Variants in TLK1 observed in about 807,000 individuals in gnomAD.
TLK1 encodes the protein serine/threonine-protein kinase tousled-like 1.
A neutral mutation model predicts 105.3 loss-of-function variants in TLK1; 24 were observed. The ratio of observed to expected loss-of-function variants is 0.23; its 90% CI spans 0.17 to 0.32. The LOEUF (loss-of-function observed/expected upper bound fraction) is 0.32, where lower values mean the gene tolerates loss of function less well. Ranked by LOEUF, TLK1 falls within the 10% of genes least tolerant of loss-of-function variation. TLK1 has a pLI of 1.00. For missense variants in TLK1, 558 were observed against 910.5 expected (o/e 0.61, Z 4.98); for synonymous variants, 321 against 310.4 (o/e 1.03, Z -0.36).
chr2:170,996,744 T>A lies in TLK1; in HGVS notation c.2033A>T (p.Gln678Leu). The A allele has an allele frequency of 6.2e-7, 1 of 1,610,076 alleles. No homozygotes were observed. Reference sequence around the variant, plus strand: ...TTCTTGAAGAATGTCTTGTTGAGATTGATTGTGACCAAATGGCTTAAAAAA... The same window carrying A: ...TTCTTGAAGAATGTCTTGTTGAGATAGATTGTGACCAAATGGCTTAAAAAA... The part of the protein sequence containing the change: ...LYGRKPFGHN[Q>L]SQQDILQENT... Residue 678 changes from glutamine to leucine, a missense_variant, in exon 20 of 21, where the codon CAA becomes CTA. Physicochemically the swap from Gln to Leu is moderately radical, Grantham distance 113. Coordinates refer to ENST00000431350, the MANE Select transcript of TLK1 (RefSeq NM_012290.5).
At chr2:171,003,769 A>T (rs1342534848) in intron 18 of TLK1, among the ~76,000 whole-genome samples, 1 of 152,206 alleles carries the variant, frequency 6.6e-6, no homozygotes, top group Non-Finnish European at 1.5e-5. Context: ...TTAATTCGGC[A>T]TCTTTACATT....
At chr2:171,177,758 G>A (rs534938935) in intron 1 of TLK1, among the ~76,000 whole-genome samples, 93 of 152,242 alleles carry the variant, frequency 6.1e-4, no homozygotes, top group African/African-American at 2.2e-3. Flanking sequence ...TGAACAAAAA[G>A]CTTTTATATT....
At chr2:171,005,259 C>A (rs373468138) in intron 18 of TLK1, among the ~76,000 whole-genome samples, 2 of 152,166 alleles carry the variant, frequency 1.3e-5, no homozygotes, top group African/African-American at 4.8e-5. Context: ...AAAATTCACA[C>A]TGAAGTAGTT....
chr2:171,115,902 C>T (rs986645648), intron 2 of TLK1, among the ~76,000 whole-genome samples: 9 of 152,058 alleles, frequency 5.9e-5, no homozygotes, highest in Admixed American at 2.0e-4. Context: ...TGTTTGTGAG[C>T]CAAAATTTAC....
intron 5 of TLK1, 93 bp from the exon 6 acceptor site, chr2:171,056,659 T>C (rs1687516936): frequency 4.1e-6 from 4 of 984,024 alleles, no homozygotes; most frequent in Non-Finnish European, 6.0e-6. Flanking sequence ...TAAATATACC[T>C]AATTTTAAAA....
At chr2:171,229,904 T>C (rs1693962833) in intron 1 of TLK1, among the ~76,000 whole-genome samples, 1 of 152,218 alleles carries the variant, frequency 6.6e-6, no homozygotes, top group Non-Finnish European at 1.5e-5. Flanking sequence ...GGTTCTACCA[T>C]GCACAAGGCC....
At chr2:171,055,452 G>A (rs1687456085) in intron 6 of TLK1, among the ~76,000 whole-genome samples, 1 of 151,358 alleles carries the variant, frequency 6.6e-6, no homozygotes, top group East Asian at 1.9e-4. Context: ...AAATCTTAAT[G>A]CTTTCATACA....
At chr2:171,163,900 T>C (rs532399923), upstream of TLK1, among the ~76,000 whole-genome samples, 1 of 152,228 alleles carries the variant, frequency 6.6e-6, no homozygotes, top group East Asian at 1.9e-4. Context: ...TAATTTTTTG[T>C]ATTTTAGTAG....
intron 12 of TLK1, among the ~76,000 whole-genome samples, chr2:171,018,299 G>A (rs1380084310): frequency 6.6e-6 from 1 of 152,194 alleles, no homozygotes; most frequent in Non-Finnish European, 1.5e-5. Context: ...ATCTTGTCAT[G>A]GACTTCTAGA....
intron 8 of TLK1, among the ~76,000 whole-genome samples, chr2:171,051,093 G>A (rs1030275933): frequency 6.6e-6 from 1 of 152,180 alleles, no homozygotes; most frequent in African/African-American, 2.4e-5. Flanking sequence ...ACAGAATTTA[G>A]CACCAATAGA....
chr2:171,182,720 G>A (rs1692947639), intron 1 of TLK1, among the ~76,000 whole-genome samples: 1 of 151,866 alleles, frequency 6.6e-6, no homozygotes. Context: ...AGGAGTATGA[G>A]ACCAGCCTGG....
At chr2:171,003,607 T>C (rs1684502326) in intron 18 of TLK1, among the ~76,000 whole-genome samples, 1 of 152,218 alleles carries the variant, frequency 6.6e-6, no homozygotes, top group African/African-American at 2.4e-5. Flanking sequence ...GATAGGCCTT[T>C]TACTGGAGAG....
In TLK1 at chr2:171,007,548, A is replaced by G. The variant is rs557080828; in HGVS notation, c.1417-485T>C. Among the ~76,000 whole-genome samples, 8 of 152,176 alleles carry G rather than the reference A, an allele frequency of 5.3e-5. No individual in the cohort carries two copies. In the East Asian group the frequency reaches 1.5e-3, roughly 29 times the overall value. Reference sequence around the variant, plus strand: ...CAACTGTTGAAAAAAACTCGTTATTATAAAACTGTTCAAACATATACACAA... The same window carrying G: ...CAACTGTTGAAAAAAACTCGTTATTGTAAAACTGTTCAAACATATACACAA... On this transcript the variant is annotated intron_variant, in intron 14 of 20. Transcript: ENST00000431350.
intron 1 of TLK1, among the ~76,000 whole-genome samples, chr2:171,221,443 G>A (rs1198559134): frequency 2.0e-5 from 3 of 152,106 alleles, no homozygotes; most frequent in African/African-American, 7.2e-5. Flanking sequence ...TGAACACCTT[G>A]GAGGAAAGAA....
intron 11 of TLK1, among the ~76,000 whole-genome samples, chr2:171,040,036 G>GTGTA (rs1281118849): frequency 3.9e-5 from 6 of 152,118 alleles, no homozygotes; most frequent in Admixed American, 3.9e-4. Context: ...AGGTAGATGT[G>GTGTA]TGTATATATG....
chr2:171,204,928 G>A (rs113921214), intron 1 of TLK1, among the ~76,000 whole-genome samples: 4,576 of 151,698 alleles, frequency 0.03, 238 homozygotes, highest in East Asian at 0.2. Flanking sequence ...ACCCCAGCCT[G>A]GGTGATAGAG....
In TLK1 at chr2:171,160,730, CG is replaced by C. The variant is rs1436056136; in HGVS notation, c.-303del. ...GCGGAGGCGTCGAGGGGGTGCCAGC[CG>C]GGCCGGGGTCGGAGCGCGGGCGGAG... On this transcript the variant is annotated 5_prime_UTR_variant, in exon 1 of 21. Coordinates refer to ENST00000431350, the MANE Select transcript of TLK1 (RefSeq NM_012290.5). This position sits in a 1 kb window ranked among gnomAD's most constrained non-coding sequence, Gnocchi z 4.4. 1 of 449,274 alleles carries C rather than the reference CG, an allele frequency of 2.2e-6. No individual in the cohort carries two copies. The highest frequency in any genetic ancestry group is 2.1e-5 in the African/African-American group (1 of 48,272). 27.8% of individuals were successfully genotyped at this position (449,274 alleles called of 1,614,324 possible).
At chr2:171,113,209 ACAT>A (rs1234788690) in intron 2 of TLK1, among the ~76,000 whole-genome samples, 2 of 152,156 alleles carry the variant, frequency 1.3e-5, no homozygotes, top group African/African-American at 4.8e-5. Flanking sequence ...GATCACTGAA[ACAT>A]CAGAGACATT....
At chr2:171,064,303 C>T (rs1035827) in intron 3 of TLK1, among the ~76,000 whole-genome samples, 74,864 of 151,938 alleles carry the variant, frequency 0.49, 21,356 homozygotes, top group South Asian at 0.67. Flanking sequence ...TCCTATGTTA[C>T]CTCTACCCTG....
Sources: gnomAD v4.1 joint callset for allele counts (sites outside exome capture counted in the v4.1 genomes callset) on GRCh38, gnomAD v4.1.1 for gene constraint, Gnocchi (gnomAD v3.1) non-coding constraint, MANE v1.5 for transcripts, NCBI Gene and HGNC (gene_info 2026-07-23, HGNC 2026-07-21) for gene names.